Variants in FHOD3 observed in about 807,000 individuals in gnomAD.
FHOD3 encodes formin homology 2 domain containing 3, also known as FH1/FH2 domain-containing protein 3.
Under a neutral mutation model 173.0 loss-of-function variants are expected in FHOD3, and 90 were observed. The observed-to-expected ratio is 0.52, with a 90% confidence interval of 0.44 to 0.62. The LOEUF (loss-of-function observed/expected upper bound fraction) is 0.62. Among genes scored for constraint, FHOD3 ranks in the 20% least tolerant of loss-of-function variants. FHOD3 has a pLI of 0.00. For missense variants in FHOD3, 1,945 were observed against 2,034.7 expected (o/e 0.96, Z 0.85); for synonymous variants, 828 against 823.0 (o/e 1.01, Z -0.10).
At chr18:36,423,666 C>T (rs1310414092) in intron 3 of FHOD3, among the ~76,000 whole-genome samples, 1 of 152,178 alleles carries the variant, frequency 6.6e-6, no homozygotes, top group Non-Finnish European at 1.5e-5. Flanking sequence ...GTCAACAGTA[C>T]ACACTTCTGA....
chr18:36,649,179 G>GTTTTT, intron 10 of FHOD3, 137 bp from the exon 11 acceptor site: 1 of 491,690 alleles, frequency 2.0e-6, no homozygotes, highest in Non-Finnish European at 3.5e-6. Flanking sequence ...CAGCTGGGTG[G>GTTTTT]TTTTTTTTTT....
intron 3 of FHOD3, among the ~76,000 whole-genome samples, chr18:36,488,363 C>T (rs1230018467): frequency 2.6e-5 from 4 of 152,120 alleles, no homozygotes; most frequent in African/African-American, 7.2e-5. Context: ...GCATTGACCC[C>T]GGGAAGGAAG....
In FHOD3 at chr18:36,380,578, T is replaced by TTTTCTTTTCCTTTCCTTTCC. The variant is rs1555686575; in HGVS notation, c.337+7838_337+7839insTTTTCCTTTCCTTTCCTTTC. Among the ~76,000 whole-genome samples, 16 of 52,454 alleles carry TTTTCTTTTCCTTTCCTTTCC rather than the reference T, an allele frequency of 3.1e-4. No individual in the cohort carries two copies. In the East Asian group the frequency reaches 7.1e-3, roughly 23 times the overall value. The allele number at this position is 52,454 out of a possible 152,430, so 34.4% of individuals were successfully genotyped here. A position where few individuals can be genotyped will look rare whatever the true frequency, so the allele number is the denominator to read the frequency against. ...TTTTCTTTTCTTTTCTTTTCTTTTC[T>TTTTCTTTTCCTTTCCTTTCC]TTTCCTTTCCTTTCCTTTCCTTTCC... On this transcript the variant is annotated intron_variant, in intron 3 of 28. Transcript: ENST00000590592.
intron 3 of FHOD3, among the ~76,000 whole-genome samples, chr18:36,390,770 G>A (rs2048264988): frequency 6.6e-6 from 1 of 152,114 alleles, no homozygotes; most frequent in South Asian, 2.1e-4. Context: ...CATGATGATG[G>A]TCCTGTTACG....
At chr18:36,684,290 T>C (rs1014683496) in intron 15 of FHOD3, among the ~76,000 whole-genome samples, 2 of 152,150 alleles carry the variant, frequency 1.3e-5, no homozygotes, top group Non-Finnish European at 2.9e-5. Flanking sequence ...TTACAAAATA[T>C]GTAAAATGTA....
At chr18:36,299,496 C>T (rs2091899983) in intron 1 of FHOD3, among the ~76,000 whole-genome samples, 1 of 152,152 alleles carries the variant, frequency 6.6e-6, no homozygotes, top group East Asian at 1.9e-4. Flanking sequence ...TTGAAACCAC[C>T]AAAGGCTCAT....
chr18:36,401,444 C>A (rs1457427689), intron 3 of FHOD3, among the ~76,000 whole-genome samples: 1 of 152,112 alleles, frequency 6.6e-6, no homozygotes, highest in South Asian at 2.1e-4. Flanking sequence ...TTATAGCAGT[C>A]TGAATGAACT....
intron 25 of FHOD3, among the ~76,000 whole-genome samples, chr18:36,755,670 C>T (rs1027120302): frequency 2.0e-5 from 3 of 151,978 alleles, no homozygotes; most frequent in Non-Finnish European, 2.9e-5. Context: ...AAGATAATGC[C>T]GCTTATCATA....
intron 5 of FHOD3, among the ~76,000 whole-genome samples, chr18:36,547,125 C>G (rs1321306977): frequency 6.6e-6 from 1 of 152,162 alleles, no homozygotes. Flanking sequence ...TGGAGCTGGG[C>G]TCTGTGCTCC....
At position 36,471,895 on chromosome 18, in the gene FHOD3, T is replaced by G. The variant is rs112740859; in HGVS notation, c.338-30037T>G. On this transcript the variant is annotated intron_variant, in intron 3 of 28. Coordinates refer to ENST00000590592, the MANE Select transcript of FHOD3 (RefSeq NM_001281740.3). ...GAGATGATATGAGTAATGATTTTCA[T>G]AGTGTTTGTGGGCAATGACAAAATA... Among the ~76,000 whole-genome samples the G allele has an allele frequency of 6.4e-4, 97 of 152,286 alleles. 1 individual carries two copies. The highest frequency in any genetic ancestry group is 2.3e-3 in the African/African-American group (94 of 41,570).
intron 27 of FHOD3, among the ~76,000 whole-genome samples, chr18:36,761,502 C>T (rs1269000016): frequency 6.6e-6 from 1 of 152,182 alleles, no homozygotes; most frequent in Non-Finnish European, 1.5e-5. Context: ...GTAGGCAGGT[C>T]CTGTCCTATC....
At chr18:36,658,346 TCA>T (rs2036559101) in intron 14 of FHOD3, among the ~76,000 whole-genome samples, 158 bp downstream of exon 14, 1 of 152,256 alleles carries the variant, frequency 6.6e-6, no homozygotes, top group Non-Finnish European at 1.5e-5. Context: ...TCTCTTTCTT[TCA>T]CACTATTTAC....
At chr18:36,721,246 CCCAAAAACCCCTA>C (rs369502345) in intron 19 of FHOD3, among the ~76,000 whole-genome samples, 5 of 152,146 alleles carry the variant, frequency 3.3e-5, no homozygotes, top group African/African-American at 1.2e-4. Context: ...TATAATGAGA[CCCAAAAACCCCTA>C]CCTTTGTCTT....
intron 13 of FHOD3, among the ~76,000 whole-genome samples, chr18:36,654,183 A>G (rs2054196311): frequency 6.6e-6 from 1 of 152,166 alleles, no homozygotes; most frequent in Non-Finnish European, 1.5e-5. Flanking sequence ...TGCCCTACTC[A>G]ACAGGAAGCT....
chr18:36,502,835 A>G (rs1054723454), intron 4 of FHOD3, among the ~76,000 whole-genome samples: 12 of 152,170 alleles, frequency 7.9e-5, no homozygotes, highest in African/African-American at 2.9e-4. Flanking sequence ...AATATGTGAT[A>G]TTCTTTTGTA....
At chr18:36,688,011 A>G (rs993566846) in intron 16 of FHOD3, among the ~76,000 whole-genome samples, 2 of 152,228 alleles carry the variant, frequency 1.3e-5, no homozygotes, top group African/African-American at 4.8e-5. Flanking sequence ...GAACCAGCCT[A>G]GGTCATATAA....
At chr18:36,658,412 A>G (rs190518538) in intron 14 of FHOD3, among the ~76,000 whole-genome samples, 1 of 152,330 alleles carries the variant, frequency 6.6e-6, no homozygotes. Context: ...TCATCCCCCT[A>G]CACACTTTCC....
chr18:36,373,890 C>T (rs2047311671), intron 3 of FHOD3, among the ~76,000 whole-genome samples: 1 of 152,172 alleles, frequency 6.6e-6, no homozygotes, highest in African/African-American at 2.4e-5. Context: ...TCATGTCTCT[C>T]TAAAGGAAAG....
chr18:36,580,733 T>G (rs1291055554), intron 6 of FHOD3, among the ~76,000 whole-genome samples: 1 of 152,214 alleles, frequency 6.6e-6, no homozygotes, highest in African/African-American at 2.4e-5. Context: ...CCAAGACCCT[T>G]AGATTTTGAG....
Sources: gnomAD v4.1 joint callset for allele counts (sites outside exome capture counted in the v4.1 genomes callset) on GRCh38, gnomAD v4.1.1 for gene constraint, MANE v1.5 for transcripts, NCBI Gene and HGNC (gene_info 2026-07-23, HGNC 2026-07-21) for gene names.